The following BPTF variants were observed in gnomAD, a reference collection of about 807,000 sequenced individuals.
BPTF encodes nucleosome-remodeling factor subunit BPTF.
Under a neutral mutation model 292.5 loss-of-function variants are expected in BPTF, and 18 were observed. The ratio of observed to expected loss-of-function variants is 0.06; its 90% confidence interval spans 0.04 to 0.09. The LOEUF (loss-of-function observed/expected upper bound fraction) is 0.09. BPTF is among the 10% of genes least tolerant of loss of function. The pLI is 1.00. For missense variants in BPTF, 2,726 were observed against 3,498.7 expected (o/e 0.78, Z 5.57); for synonymous variants, 1,225 against 1,251.9 (o/e 0.98, Z 0.45).
chr17:67,827,065 A>G (rs896224176), intron 1 of BPTF, among the ~76,000 whole-genome samples: 3 of 152,224 alleles, frequency 2.0e-5, no homozygotes, highest in Non-Finnish European at 4.4e-5. Flanking sequence ...TCCGATTCAG[A>G]ATTATTTTGG....
At position 67,920,028 on chromosome 17, in the gene BPTF, T is replaced by G. The variant is rs1479149161; in HGVS notation, c.5442T>G (p.Thr1814=). The G allele has an allele frequency of 8.1e-6, 13 of 1,610,260 alleles. No individual in the cohort carries two copies. ...AAATCACCATAGAAACATCCGAAAC[T>G]GAAATCACAACAACAGAAATAATTA... is the stretch of plus-strand genomic sequence containing the variant. ...GGTTRTETSE[T]EITTTEIIKR... Residue 1814 remains threonine, a synonymous_variant, in exon 13 of 28, where the codon ACT becomes ACG. Coordinates refer to ENST00000306378, the MANE Select transcript of BPTF (RefSeq NM_182641.4).
At position 67,966,553 on chromosome 17, in the gene BPTF, T is replaced by C; in HGVS notation, c.8455-19T>C. 6.3e-7 allele frequency: 1 copy of C among 1,599,136 alleles called. No individual in the cohort carries two copies. The highest frequency in any genetic ancestry group is 8.6e-7 in the Non-Finnish European group (1 of 1,166,986). ...TTAGTGTTTTCACTGACAATAATGA[T>C]GCTGCTTTTTCATTATAGGCCCATA... On this transcript the variant is annotated intron_variant, in intron 25 of 27. Transcript: ENST00000306378.
At chr17:67,957,010 C>T (rs532709723) in intron 23 of BPTF, 27 of 152,022 alleles carry the variant, frequency 1.8e-4, no homozygotes, top group South Asian at 6.2e-4. Context: ...GTGCCCGGCA[C>T]GGTGGCTCAC....
At chr17:67,896,833 C>G (rs2061484365) in intron 7 of BPTF, among the ~76,000 whole-genome samples, 1 of 152,026 alleles carries the variant, frequency 6.6e-6, no homozygotes, top group African/African-American at 2.4e-5. Context: ...GCTTTTAGTG[C>G]TTATATTAGA....
intron 11 of BPTF, among the ~76,000 whole-genome samples, chr17:67,917,131 C>CCTTTTTTTTT (rs2063065953): frequency 4.7e-5 from 5 of 105,802 alleles, no homozygotes; most frequent in African/African-American, 1.8e-4. Context: ...TGGTATTGTC[C>CCTTTTTTTTT]TTTTTTTTTT....
chr17:67,886,369 T>A (rs984330661), intron 4 of BPTF: 1 of 1,250,038 alleles, frequency 8.0e-7, no homozygotes, highest in Non-Finnish European at 1.0e-6. Flanking sequence ...CTTTTTTTTC[T>A]TTTTTTTGTG....
intron 5 of BPTF, 185 bp from the exon 6 acceptor site, chr17:67,893,185 G>C: frequency 5.0e-6 from 3 of 597,666 alleles, no homozygotes; most frequent in South Asian, 2.1e-5. Context: ...GGCATATCTT[G>C]GTTGTTTAAT....
intron 3 of BPTF, among the ~76,000 whole-genome samples, chr17:67,873,913 A>G (rs370858180): frequency 6.6e-6 from 1 of 152,022 alleles, no homozygotes; most frequent in African/African-American, 2.4e-5. Context: ...CCTTGGAGAG[A>G]TGGTGGATTG....
rs756552475 is a variant in BPTF at position 67,912,482 on chromosome 17, A to G, written c.4598A>G (p.Asp1533Gly). The G allele has an allele frequency of 2.5e-6, 4 of 1,614,014 alleles. No individual in the cohort carries two copies. In the Admixed American group the frequency reaches 6.7e-5, roughly 27 times the overall value. ...PESNSVNQVEDMEIETSEVKK... is the reference protein window; with the variant it reads ...PESNSVNQVEGMEIETSEVKK... ...AGCAATTCAGTTAATCAGGTAGAAG[A>G]TATGGAAATAGAAACCTCAGAAGTT... The change falls in exon 11 of 28, where the codon GAT (aspartate) becomes GGT (glycine). Residue 1533 changes from aspartate (D) to glycine (G), a missense_variant. This residue lies in a region of BPTF where 713 missense variants were observed against 714.9 expected (regional missense o/e 1.00). Transcript: ENST00000306378.
intron 11 of BPTF, among the ~76,000 whole-genome samples, chr17:67,918,288 A>G (rs187569006): frequency 1.9e-3 from 290 of 152,292 alleles, no homozygotes; most frequent in Non-Finnish European, 2.8e-3. Context: ...TGTTTTTGCA[A>G]AAGTTAGGAT....
At chr17:67,840,106 T>A (rs756970884) in intron 1 of BPTF, among the ~76,000 whole-genome samples, 11 of 57,296 alleles carry the variant, frequency 1.9e-4, no homozygotes, top group Non-Finnish European at 2.9e-5. Flanking sequence ...AAATACTGAT[T>A]TTTTTTTTTT....
At chr17:67,957,541 G>T (rs2067073728) in intron 23 of BPTF, among the ~76,000 whole-genome samples, 1 of 152,044 alleles carries the variant, frequency 6.6e-6, no homozygotes, top group South Asian at 2.1e-4. Flanking sequence ...GTCTCTAAAA[G>T]AATTTTTAAA....
In BPTF at chr17:67,929,209, G is replaced by C. The variant is rs747249126; in HGVS notation, c.5999-127G>C. On this transcript the variant is annotated intron_variant, in intron 16 of 27. Coordinates refer to ENST00000306378, the MANE Select transcript of BPTF (RefSeq NM_182641.4). ...CTCCTTTTCACTGATTTCAGTCCTC[G>C]GATCTCACATTCTATGTAGCCCACT... 3 of 1,433,724 alleles carry C rather than the reference G, an allele frequency of 2.1e-6. No individual in the cohort carries two copies. In the African/African-American group the frequency reaches 4.3e-5, roughly 21 times the overall value. The allele number at this position is 1,433,724 out of a possible 1,614,324, so 88.8% of individuals were successfully genotyped here.
chr17:67,968,394 T>TC (rs2068364831), intron 26 of BPTF, among the ~76,000 whole-genome samples: 1 of 151,616 alleles, frequency 6.6e-6, no homozygotes, highest in African/African-American at 2.4e-5. Context: ...ATTTGGGTAG[T>TC]CGCCTTTGAG....
chr17:67,919,194 TAATAATAA>T (rs2063262887), intron 12 of BPTF, among the ~76,000 whole-genome samples: 1 of 144,792 alleles, frequency 6.9e-6, no homozygotes, highest in Non-Finnish European at 1.5e-5. Context: ...ATAATAATAA[TAATAATAA>T]TAATAATAAT....
At chr17:67,967,361 C>T (rs2068233657) in intron 26 of BPTF, among the ~76,000 whole-genome samples, 2 of 151,170 alleles carry the variant, frequency 1.3e-5, no homozygotes, top group Non-Finnish European at 2.9e-5. Flanking sequence ...AGGATGGTCT[C>T]AATCTCCTGA....
chr17:67,856,847 C>G (rs1036776905), intron 2 of BPTF, among the ~76,000 whole-genome samples: 2 of 152,144 alleles, frequency 1.3e-5, no homozygotes, highest in African/African-American at 4.8e-5. Flanking sequence ...CACAACTGAG[C>G]GTGGTTTCTG....
chr17:67,977,007 C>G (rs565158047), intron 27 of BPTF, among the ~76,000 whole-genome samples: 4 of 152,014 alleles, frequency 2.6e-5, no homozygotes, highest in African/African-American at 9.7e-5. Context: ...TAGATAAAAC[C>G]GACAATCTAT....
intron 23 of BPTF, chr17:67,956,876 A>G (rs1411737415): frequency 6.6e-6 from 1 of 152,278 alleles, no homozygotes; most frequent in Non-Finnish European, 1.5e-5. Flanking sequence ...AGGCAGGAGA[A>G]TGGCATGAAC....
Sources: gnomAD v4.1 joint callset for allele counts (sites outside exome capture counted in the v4.1 genomes callset) on GRCh38, gnomAD v4.1.1 for gene constraint, gnomAD v4.1.1 regional missense constraint, MANE v1.5 for transcripts, NCBI Gene and HGNC (gene_info 2026-07-23, HGNC 2026-07-21) for gene names.